DYNC2I1: variants seen among roughly 807,000 people sequenced by gnomAD.
The protein encoded by DYNC2I1 is cytoplasmic dynein 2 intermediate chain 1.
DYNC2I1 carries 89 observed loss-of-function variants against 133.4 expected under a neutral mutation model. That is an observed-to-expected ratio of 0.67 (90% CI 0.56 to 0.80). The LOEUF (loss-of-function observed/expected upper bound fraction) is 0.80. Among genes scored for constraint, DYNC2I1 ranks in the 30% least tolerant of loss-of-function variants. The probability of loss-of-function intolerance (pLI) is 0.00; values close to 1 mark genes in which losing one functional copy is unlikely to be tolerated. For synonymous variants in DYNC2I1, 504 were observed against 484.3 expected, an observed-to-expected ratio of 1.04 and a Z score of -0.54; for missense variants, 1,291 against 1,314.5, an observed-to-expected ratio of 0.98 and a Z score of 0.28.
chr7:158,847,636 A>G, the DYNC2I1 span, among the ~76,000 whole-genome samples: 1 of 152,226 alleles, frequency 6.6e-6, no homozygotes, highest in Non-Finnish European at 1.5e-5. Flanking sequence ...AATAAAAAGC[A>G]AAATATTCAT....
chr7:158,889,243 G>T (rs1387013625), intron 7 of DYNC2I1, among the ~76,000 whole-genome samples: 1 of 151,976 alleles, frequency 6.6e-6, no homozygotes, highest in African/African-American at 2.4e-5. Flanking sequence ...ACCACACCTG[G>T]CTAATTTTTT....
intron 14 of DYNC2I1, among the ~76,000 whole-genome samples, chr7:158,915,110 G>T (rs1175608900): frequency 6.6e-6 from 1 of 152,058 alleles, no homozygotes; most frequent in Non-Finnish European, 1.5e-5. Context: ...CATTAAGGAT[G>T]ATTGTAAAAC....
rs1841267632 is a variant in DYNC2I1, at chr7:158,856,727, C to T, written c.-9C>T. The T allele has an allele frequency of 1.6e-6, 2 of 1,234,218 alleles. No individual in the cohort carries two copies. The highest frequency in any genetic ancestry group is 2.0e-6 in the Non-Finnish European group (2 of 987,048). 76.5% of individuals were successfully genotyped at this position (1,234,218 alleles called of 1,614,324 possible). ...AGGACACCGCGGCCGCCCGGGCCTGCGGGAAGCGATGGAGCCCGGGAAGGT... is the reference window on the plus strand; with the variant it reads ...AGGACACCGCGGCCGCCCGGGCCTGTGGGAAGCGATGGAGCCCGGGAAGGT... On this transcript the variant is annotated 5_prime_UTR_variant, in exon 1 of 25. Transcript: ENST00000407559.
chr7:158,888,813 A>G (rs1844879509), intron 7 of DYNC2I1, among the ~76,000 whole-genome samples: 1 of 152,168 alleles, frequency 6.6e-6, no homozygotes, highest in Non-Finnish European at 1.5e-5. Flanking sequence ...ATGTCCGTAC[A>G]CAAACATAAT....
intron 5 of DYNC2I1, among the ~76,000 whole-genome samples, chr7:158,883,911 G>T (rs1318920929): frequency 1.3e-5 from 2 of 151,628 alleles, no homozygotes; most frequent in Non-Finnish European, 2.9e-5. Flanking sequence ...TGATCCGCCC[G>T]CCTCGGCCTC....
Position 158,930,464 on chromosome 7 carries a change from C to A in DYNC2I1, c.2495C>A (p.Pro832His). 12 of 1,612,532 alleles carry A rather than the reference C, an allele frequency of 7.4e-6. No individual in the cohort carries two copies. Among genetic ancestry groups the A allele is most frequent in the Non-Finnish European group, 1.0e-5 (12 of 1,179,390 alleles). ...GTTCATCTCTTTTTAGGTCTGATGC[C>A]TGGAGGGAGGGTCAAGCTGGTACAT... ...AGSISDLGLM[P>H]GGRVKLVHSA... is the part of the protein sequence containing the mutation. Residue 832 changes from proline (P) to histidine (H), a missense_variant, in exon 21 of 25, where the codon CCT becomes CAT. Physicochemically the swap from Pro to His is moderately conservative, Grantham distance 77. Coordinates refer to ENST00000407559, the MANE Select transcript of DYNC2I1 (RefSeq NM_018051.5).
intron 7 of DYNC2I1, among the ~76,000 whole-genome samples, chr7:158,889,760 T>G (rs1845008961): frequency 6.6e-6 from 1 of 151,822 alleles, no homozygotes; most frequent in Admixed American, 6.6e-5. Flanking sequence ...CCCCAACACT[T>G]TGGGAGGCCG....
chr7:158,934,456 G>A lies in DYNC2I1; in HGVS notation c.2685G>A (p.Val895=). 6.3e-7 allele frequency: 1 copy of A among 1,596,558 alleles called. No homozygotes were observed. The highest frequency in any genetic ancestry group is 1.7e-5 in the Admixed American group (1 of 57,388). ...ATGGCACAAGACAAGATTTGAGAGT[G>A]GCTCCCAAACTATTCAAACCTCAGC... is the stretch of plus-strand genomic sequence containing the variant. ...ISHGTRQDLR[V]APKLFKPQQH... is the part of the protein sequence containing the mutation. The change falls in exon 23 of 25, where the codon GTG becomes GTA. Residue 895 remains valine (V), a synonymous_variant. Coordinates refer to ENST00000407559, the MANE Select transcript of DYNC2I1 (RefSeq NM_018051.5).
intron 17 of DYNC2I1, among the ~76,000 whole-genome samples, chr7:158,925,564 A>G (rs147595368): frequency 0.014 from 2,158 of 152,030 alleles, 26 homozygotes; most frequent in Middle Eastern, 0.034. Flanking sequence ...GCGTTTTTCT[A>G]CTTGTAGACA....
intron 1 of DYNC2I1, among the ~76,000 whole-genome samples, chr7:158,865,657 G>A (rs1321139654): frequency 6.6e-6 from 1 of 152,176 alleles, no homozygotes; most frequent in Non-Finnish European, 1.5e-5. Context: ...CAGTCCCCAG[G>A]CTGGGGTTTG....
chr7:158,955,414 G>A (rs184288373), intron 4 of DYNC2I1, among the ~76,000 whole-genome samples: 78 of 152,276 alleles, frequency 5.1e-4, no homozygotes, highest in African/African-American at 1.6e-3. Context: ...TGAATTAATC[G>A]GCCCCCGATT....
the DYNC2I1 span, among the ~76,000 whole-genome samples, chr7:158,850,041 A>G: frequency 3.3e-5 from 5 of 152,176 alleles, no homozygotes; most frequent in Admixed American, 6.5e-5. Context: ...ACCCCTGCTC[A>G]GAGATTGGAG....
intron 16 of DYNC2I1, 104 bp downstream of exon 16, chr7:158,922,653 A>T: frequency 1.7e-6 from 2 of 1,178,964 alleles, no homozygotes. Context: ...CAGGGACAGG[A>T]GGTGGGTAGG....
At chr7:158,875,581 C>G (rs1300969627) in intron 3 of DYNC2I1, among the ~76,000 whole-genome samples, 2 of 152,212 alleles carry the variant, frequency 1.3e-5, no homozygotes, top group African/African-American at 2.4e-5. Context: ...CTGCCTGGCT[C>G]TGTTTGCCCC....
intron 1 of DYNC2I1, among the ~76,000 whole-genome samples, chr7:158,858,249 C>T (rs974054709): frequency 1.3e-5 from 2 of 152,080 alleles, no homozygotes; most frequent in African/African-American, 4.8e-5. Flanking sequence ...TTACATTGTC[C>T]GTGATTTGTT....
At chr7:158,926,641 G>A (rs1440772045) in intron 19 of DYNC2I1, among the ~76,000 whole-genome samples, 178 bp downstream of exon 19, 1 of 152,234 alleles carries the variant, frequency 6.6e-6, no homozygotes, top group South Asian at 2.1e-4. Context: ...GGCAGGTTTG[G>A]GGCCCTTTCG....
intron 1 of DYNC2I1, among the ~76,000 whole-genome samples, chr7:158,858,440 T>C (rs1295640037): frequency 6.6e-6 from 1 of 152,210 alleles, no homozygotes; most frequent in African/African-American, 2.4e-5. Flanking sequence ...CATCTTTTGT[T>C]ACATTCAGTT....
At chr7:158,946,737 A>G (rs1404556608), downstream of DYNC2I1, among the ~76,000 whole-genome samples, 6 of 152,226 alleles carry the variant, frequency 3.9e-5, no homozygotes, top group South Asian at 2.1e-4. Context: ...AGGACAGGAA[A>G]ATCCCAGAAT....
intron 4 of DYNC2I1, among the ~76,000 whole-genome samples, chr7:158,952,034 G>A (rs971752950): frequency 2.0e-5 from 3 of 152,186 alleles, no homozygotes; most frequent in South Asian, 2.1e-4. Flanking sequence ...ATCACCCATG[G>A]TGGGTGTGAA....
Sources: allele counts gnomAD v4.1 joint callset (sites outside exome capture counted in the v4.1 genomes callset), GRCh38; gene constraint gnomAD v4.1.1; transcripts MANE v1.5; gene names NCBI Gene and HGNC (gene_info 2026-07-23, HGNC 2026-07-21).